The following LRFN5 variants were observed in gnomAD, a reference collection of about 807,000 sequenced individuals.
LRFN5 encodes the protein leucine-rich repeat and fibronectin type-III domain-containing protein 5.
Under a neutral mutation model 45.6 loss-of-function variants are expected in LRFN5, and 24 were observed. The observed-to-expected ratio is 0.53, with a 90% confidence interval of 0.38 to 0.74. LRFN5 has a LOEUF of 0.74. LRFN5 is among the 30% of genes least tolerant of loss of function. The pLI, the probability that LRFN5 is intolerant of heterozygous loss-of-function variation, is 0.00. For synonymous variants in LRFN5, 340 were observed against 313.8 expected, an observed-to-expected ratio of 1.08 and a Z score of -0.88; for missense variants, 776 against 861.5, an observed-to-expected ratio of 0.90 and a Z score of 1.24.
At chr14:41,809,801 G>T (rs1887677426) in intron 2 of LRFN5, among the ~76,000 whole-genome samples, 1 of 151,772 alleles carries the variant, frequency 6.6e-6, no homozygotes. Flanking sequence ...ACACATTTAT[G>T]ATTTATTTAG....
chr14:41,894,061 C>T, intron 4 of LRFN5: 1 of 983,898 alleles, frequency 1.0e-6, no homozygotes, highest in Non-Finnish European at 1.2e-6. Flanking sequence ...CAGAAGCATA[C>T]TACTTTTTCT....
At chr14:41,896,028 G>T (rs1890928426) in intron 4 of LRFN5, among the ~76,000 whole-genome samples, 1 of 151,546 alleles carries the variant, frequency 6.6e-6, no homozygotes, top group Non-Finnish European at 1.5e-5. Flanking sequence ...TATTTTATTT[G>T]CTTGTATTTT....
At chr14:41,771,323 G>A (rs1044208156) in intron 2 of LRFN5, among the ~76,000 whole-genome samples, 15 of 151,772 alleles carry the variant, frequency 9.9e-5, no homozygotes, top group Non-Finnish European at 1.5e-4. Flanking sequence ...AGCTCATGGC[G>A]TCCTTCTGGT....
At chr14:41,872,824 A>G (rs77057559) in intron 2 of LRFN5, among the ~76,000 whole-genome samples, 1,590 of 152,360 alleles carry the variant, frequency 0.01, 26 homozygotes, top group African/African-American at 0.037. Flanking sequence ...AGAAGGGACA[A>G]GTGGATATTA....
chr14:41,696,072 T>C (rs1398067148), intron 1 of LRFN5, among the ~76,000 whole-genome samples: 1 of 151,926 alleles, frequency 6.6e-6, no homozygotes, highest in Non-Finnish European at 1.5e-5. Flanking sequence ...ATTCCAACTT[T>C]CATGGACAAC....
intron 2 of LRFN5, among the ~76,000 whole-genome samples, chr14:41,859,427 C>T (rs561444507): frequency 2.6e-5 from 4 of 152,270 alleles, no homozygotes; most frequent in Admixed American, 1.3e-4. Context: ...AGTAACCTCA[C>T]GAGGAAAGAC....
At chr14:41,662,281 C>T (rs990162926) in intron 1 of LRFN5, among the ~76,000 whole-genome samples, 62 of 152,018 alleles carry the variant, frequency 4.1e-4, no homozygotes, top group African/African-American at 5.3e-4. Flanking sequence ...TAACCACCTA[C>T]GTCAGAATAA....
At chr14:41,749,199 A>G (rs1001520422) in intron 1 of LRFN5, among the ~76,000 whole-genome samples, 3 of 144,514 alleles carry the variant, frequency 2.1e-5, no homozygotes, top group Non-Finnish European at 3.1e-5. Context: ...TAAATTTCCA[A>G]TACATGAGCG....
At chr14:41,870,726 A>G (rs1399071342) in intron 2 of LRFN5, among the ~76,000 whole-genome samples, 3 of 152,318 alleles carry the variant, frequency 2.0e-5, no homozygotes, top group South Asian at 2.1e-4. Flanking sequence ...GGAGTTGTAC[A>G]TACAATACAA....
rs1056119749 is a variant in LRFN5 at position 41,742,316 on chromosome 14, C to T, written c.-196-24538C>T. On this transcript the variant is annotated intron_variant, in intron 1 of 5. Coordinates refer to ENST00000298119, the MANE Select transcript of LRFN5 (RefSeq NM_152447.5). ...ATGAAGAAAATGTGGTGTGTATACACACACACACACACACACACACACACA... is the reference window on the plus strand; with the variant it reads ...ATGAAGAAAATGTGGTGTGTATACATACACACACACACACACACACACACA... 4.0e-5 allele frequency among the ~76,000 whole-genome samples: 5 copies of T among 125,152 alleles called. 1 individual carries two copies. The highest frequency in any genetic ancestry group is 3.9e-4 in the Admixed American group (5 of 12,712). 82.1% of individuals were successfully genotyped at this position (125,152 alleles called of 152,430 possible).
At chr14:41,851,507 C>T (rs1889266294) in intron 2 of LRFN5, among the ~76,000 whole-genome samples, 1 of 151,632 alleles carries the variant, frequency 6.6e-6, no homozygotes, top group Admixed American at 6.6e-5. Flanking sequence ...CAATATGGAA[C>T]CACAATTCTT....
At chr14:41,771,563 G>A (rs938500661) in intron 2 of LRFN5, among the ~76,000 whole-genome samples, 6 of 151,976 alleles carry the variant, frequency 3.9e-5, no homozygotes, top group Non-Finnish European at 8.8e-5. Context: ...GATACCCTAA[G>A]TCATCACTCT....
chr14:41,807,083 CA>C (rs1196979539), intron 2 of LRFN5, among the ~76,000 whole-genome samples: 11 of 151,892 alleles, frequency 7.2e-5, no homozygotes, highest in Admixed American at 7.2e-4. Context: ...TCTAACGAGT[CA>C]AAAAATTAAT....
At chr14:41,823,823 A>AAC (rs1034056039) in intron 2 of LRFN5, among the ~76,000 whole-genome samples, 1 of 152,152 alleles carries the variant, frequency 6.6e-6, no homozygotes, top group Non-Finnish European at 1.5e-5. Context: ...CATAGTTTTG[A>AAC]ACACTTTACA....
At chr14:41,858,307 C>A (rs1889542563) in intron 2 of LRFN5, among the ~76,000 whole-genome samples, 1 of 152,098 alleles carries the variant, frequency 6.6e-6, no homozygotes, top group Non-Finnish European at 1.5e-5. Context: ...GTAAAGGTGG[C>A]AGTTCTGCAG....
intron 2 of LRFN5, among the ~76,000 whole-genome samples, chr14:41,884,843 A>G (rs1175689559): frequency 6.6e-6 from 1 of 152,156 alleles, no homozygotes; most frequent in Non-Finnish European, 1.5e-5. Flanking sequence ...ATTCAGGTGC[A>G]TCATCAATCT....
chr14:41,751,129 G>A (rs918766146), intron 1 of LRFN5, among the ~76,000 whole-genome samples: 3 of 151,990 alleles, frequency 2.0e-5, no homozygotes, highest in African/African-American at 7.3e-5. Context: ...GAGCACAGGG[G>A]AAACTGCCCC....
intron 1 of LRFN5, among the ~76,000 whole-genome samples, chr14:41,687,819 G>C (rs1882189102): frequency 6.6e-6 from 1 of 152,158 alleles, no homozygotes; most frequent in Non-Finnish European, 1.5e-5. Flanking sequence ...CCTGCTGGGG[G>C]TTGGGGTTTG....
chr14:41,885,904 T>C (rs1311837241), intron 2 of LRFN5, among the ~76,000 whole-genome samples: 1 of 150,828 alleles, frequency 6.6e-6, no homozygotes, highest in African/African-American at 2.4e-5. Context: ...TAATCCTAGC[T>C]ACTCAGGGAG....
Sources: allele counts gnomAD v4.1 joint callset (sites outside exome capture counted in the v4.1 genomes callset), GRCh38; gene constraint gnomAD v4.1.1; transcripts MANE v1.5; gene names NCBI Gene and HGNC (gene_info 2026-07-23, HGNC 2026-07-21).